The following EBF1 variants were observed in gnomAD, a reference collection of about 807,000 sequenced individuals.
The protein encoded by EBF1 is transcription factor COE1.
Under a neutral mutation model 68.4 loss-of-function variants are expected in EBF1, and 10 were observed. The observed-to-expected ratio is 0.15, with a 90% CI of 0.09 to 0.25. The LOEUF (loss-of-function observed/expected upper bound fraction) is 0.25, where lower values mean the gene tolerates loss of function less well. Among genes scored for constraint, EBF1 ranks in the 10% least tolerant of loss-of-function variants. The pLI, the probability that EBF1 is intolerant of heterozygous loss-of-function variation, is 1.00. For missense variants in EBF1, 509 were observed against 794.4 expected (o/e 0.64, Z 4.32); for synonymous variants, 298 against 299.8 (o/e 0.99, Z 0.06).
At chr5:158,963,351 C>T (rs1753431333) in intron 6 of EBF1, among the ~76,000 whole-genome samples, 1 of 152,206 alleles carries the variant, frequency 6.6e-6, no homozygotes, top group African/African-American at 2.4e-5. Flanking sequence ...TACGGAATGA[C>T]AGTACAGGTT....
chr5:158,856,664 C>T (rs1459256777), intron 6 of EBF1, among the ~76,000 whole-genome samples: 2 of 152,146 alleles, frequency 1.3e-5, no homozygotes, highest in Admixed American at 6.5e-5. Flanking sequence ...CACAGCAACC[C>T]TACGCTCCCC....
At position 158,757,094 on chromosome 5, in the gene EBF1, T is replaced by C. The variant is rs555856279; in HGVS notation, c.1036+20319A>G. Reference sequence around the variant, plus strand: ...TAAATTGGAACAATGCTTTGCTCAGTTTGGACCCAGATGTCAGTGTGGTGG... The same window carrying C: ...TAAATTGGAACAATGCTTTGCTCAGCTTGGACCCAGATGTCAGTGTGGTGG... On this transcript the variant is annotated intron_variant, in intron 10 of 15. Coordinates refer to ENST00000313708, the MANE Select transcript of EBF1 (RefSeq NM_024007.5). Among the ~76,000 whole-genome samples the C allele has an allele frequency of 9.9e-5, 15 of 152,098 alleles. No individual in the cohort carries two copies. In the East Asian group the frequency reaches 2.7e-3, roughly 27 times the overall value.
intron 6 of EBF1, among the ~76,000 whole-genome samples, chr5:159,056,631 A>G (rs1774790349): frequency 6.6e-6 from 1 of 152,222 alleles, no homozygotes; most frequent in Admixed American, 6.5e-5. Flanking sequence ...GAAGAAATAC[A>G]GTGTACTTTT....
rs534451026 is a variant in EBF1, at chr5:158,928,373, G to A, written c.555-88263C>T. Reference sequence around the variant, plus strand: ...ATATATTATCAAAAAAACAGAAATAGGAGCCCTGTTACTTATCACATTCAG... The same window carrying A: ...ATATATTATCAAAAAAACAGAAATAAGAGCCCTGTTACTTATCACATTCAG... On this transcript the variant is annotated intron_variant, in intron 6 of 15. Transcript: ENST00000313708. 8.1e-4 allele frequency among the ~76,000 whole-genome samples: 123 copies of A among 152,190 alleles called. No individual in the cohort carries two copies. In the Middle Eastern group the frequency reaches 0.01, roughly 13 times the overall value.
At chr5:158,866,853 A>ATG (rs1481641281) in intron 6 of EBF1, among the ~76,000 whole-genome samples, 2,924 of 12,752 alleles carry the variant, frequency 0.23, 93 homozygotes, top group South Asian at 0.4. Context: ...ATATATATAT[A>ATG]TATATATATA....
At chr5:158,722,712 A>G (rs1762184034) in intron 11 of EBF1, among the ~76,000 whole-genome samples, 1 of 152,212 alleles carries the variant, frequency 6.6e-6, no homozygotes. Flanking sequence ...GCCTTTACAG[A>G]TGGTCCTGAG....
At chr5:159,072,027 AAG>A (rs1384535830) in intron 6 of EBF1, among the ~76,000 whole-genome samples, 1 of 152,224 alleles carries the variant, frequency 6.6e-6, no homozygotes, top group African/African-American at 2.4e-5. Flanking sequence ...ATCACAGAAA[AAG>A]CAACTATATG....
intron 8 of EBF1, among the ~76,000 whole-genome samples, chr5:158,814,995 G>A (rs1214532371): frequency 6.6e-6 from 1 of 152,112 alleles, no homozygotes; most frequent in African/African-American, 2.4e-5. Context: ...AAAGTCTGTT[G>A]AAGATACCAG....
chr5:158,813,187 G>C (rs186947213), intron 8 of EBF1, among the ~76,000 whole-genome samples: 8 of 152,188 alleles, frequency 5.3e-5, no homozygotes, highest in Non-Finnish European at 8.8e-5. Flanking sequence ...TTTAACTTTA[G>C]TCTTGCCCTA....
At chr5:158,979,323 C>T (rs1235659177) in intron 6 of EBF1, among the ~76,000 whole-genome samples, 2 of 152,020 alleles carry the variant, frequency 1.3e-5, no homozygotes, top group African/African-American at 2.4e-5. Flanking sequence ...AAAAATAAAA[C>T]AAATAAACAA....
intron 8 of EBF1, among the ~76,000 whole-genome samples, chr5:158,820,837 CTGAGCTGGGAG>C (rs1427620566): frequency 2.6e-5 from 4 of 152,160 alleles, no homozygotes; most frequent in African/African-American, 9.7e-5. Context: ...GAGGGAATAT[CTGAGCTGGGAG>C]GAAGCTTAGA....
intron 10 of EBF1, among the ~76,000 whole-genome samples, chr5:158,764,101 C>T (rs1260995262): frequency 1.3e-5 from 2 of 152,186 alleles, no homozygotes; most frequent in African/African-American, 4.8e-5. Context: ...ATTCTCATTC[C>T]TATTTTGCAG....
chr5:159,096,458 G>A (rs1313864643), intron 2 of EBF1, 52 bp from the exon 3 acceptor site: 1 of 1,585,570 alleles, frequency 6.3e-7, no homozygotes, highest in Non-Finnish European at 8.6e-7. Flanking sequence ...AGAGGTCTGC[G>A]TGAGCGAGTG....
intron 6 of EBF1, chr5:158,987,262 A>G (rs1210402412): frequency 6.6e-6 from 1 of 152,240 alleles, no homozygotes; most frequent in Non-Finnish European, 1.5e-5. Context: ...AGTATCTCCT[A>G]CAGCCACTAC....
chr5:159,001,614 C>T (rs1762556825), intron 6 of EBF1, among the ~76,000 whole-genome samples: 1 of 152,186 alleles, frequency 6.6e-6, no homozygotes. Context: ...TTGCTAGCTT[C>T]TGATATTACC....
At chr5:159,030,747 G>T (rs553221842) in intron 6 of EBF1, among the ~76,000 whole-genome samples, 366 of 152,296 alleles carry the variant, frequency 2.4e-3, no homozygotes, top group African/African-American at 8.6e-3. Flanking sequence ...GTGAATTTAA[G>T]CCCACAGGCC....
chr5:159,014,099 T>A (rs1034295116), intron 6 of EBF1, among the ~76,000 whole-genome samples: 4 of 152,190 alleles, frequency 2.6e-5, no homozygotes, highest in African/African-American at 9.6e-5. Flanking sequence ...TGTGAGAGTA[T>A]CAACAGAAAG....
At chr5:158,816,459 C>G (rs1433075780) in intron 8 of EBF1, among the ~76,000 whole-genome samples, 1 of 152,206 alleles carries the variant, frequency 6.6e-6, no homozygotes, top group Non-Finnish European at 1.5e-5. Flanking sequence ...GATTATATCC[C>G]CTCTCTGGGT....
chr5:158,734,213 G>A (rs1266611054), intron 10 of EBF1, among the ~76,000 whole-genome samples: 2 of 152,128 alleles, frequency 1.3e-5, no homozygotes, highest in African/African-American at 4.8e-5. Flanking sequence ...GGGTCTTAAA[G>A]TGCTTTTCTT....
Sources: allele counts gnomAD v4.1 joint callset (sites outside exome capture counted in the v4.1 genomes callset), GRCh38; gene constraint gnomAD v4.1.1; transcripts MANE v1.5; gene names NCBI Gene and HGNC (gene_info 2026-07-23, HGNC 2026-07-21).